The following CPAMD8 variants were observed in gnomAD, a reference collection of about 807,000 sequenced individuals.
The protein encoded by CPAMD8 is C3 and PZP-like alpha-2-macroglobulin domain-containing protein 8.
In CPAMD8, 146 loss-of-function variants were observed where a neutral mutation model predicts 224.7. That is an observed-to-expected ratio of 0.65 (90% CI 0.57 to 0.75). CPAMD8 has a LOEUF of 0.75. CPAMD8 is among the 30% of genes least tolerant of loss of function. The probability of loss-of-function intolerance (pLI) is 0.00; values close to 1 mark genes in which losing one functional copy is unlikely to be tolerated. For synonymous variants in CPAMD8, 966 were observed against 1,044.6 expected, an observed-to-expected ratio of 0.92 and a Z score of 1.45; for missense variants, 2,301 against 2,537.5, an observed-to-expected ratio of 0.91 and a Z score of 2.00.
rs150244551 is a variant in CPAMD8 at position 16,920,964 on chromosome 19, C to T, written c.3629+941G>A. On this transcript the variant is annotated intron_variant, in intron 27 of 41. Coordinates refer to ENST00000443236, the MANE Select transcript of CPAMD8 (RefSeq NM_015692.5). ...GGCTCAGCCAGCTTTTGGAGAGTGACTCAGTGGCTTTAGCTGTCCCTGGGG... is the reference window on the plus strand; with the variant it reads ...GGCTCAGCCAGCTTTTGGAGAGTGATTCAGTGGCTTTAGCTGTCCCTGGGG... Among the ~76,000 whole-genome samples, 566 of 151,520 alleles carry T rather than the reference C, an allele frequency of 3.7e-3. 19 individuals are homozygous for T. The highest frequency in any genetic ancestry group is 0.032 in the Admixed American group (490 of 15,234).
At chr19:16,998,414 C>T (rs1259629859) in intron 10 of CPAMD8, among the ~76,000 whole-genome samples, 1 of 151,924 alleles carries the variant, frequency 6.6e-6, no homozygotes, top group Non-Finnish European at 1.5e-5. Context: ...GATCCAAGAT[C>T]GTGCCACTGC....
intron 35 of CPAMD8, among the ~76,000 whole-genome samples, chr19:16,901,846 TGCGGGGAGTGC>T (rs2052269756): frequency 1.3e-5 from 2 of 152,110 alleles, no homozygotes; most frequent in Admixed American, 1.3e-4. Flanking sequence ...AGCTTGCAGC[TGCGGGGAGTGC>T]ACCAAGCTGG....
intron 18 of CPAMD8, among the ~76,000 whole-genome samples, chr19:16,959,305 C>A (rs892446839): frequency 6.6e-6 from 1 of 151,576 alleles, no homozygotes; most frequent in Non-Finnish European, 1.5e-5. Context: ...TCCTGAATTA[C>A]ACCTGGAATT....
At chr19:16,911,404 C>T (rs964507272) in intron 29 of CPAMD8, among the ~76,000 whole-genome samples, 4 of 151,746 alleles carry the variant, frequency 2.6e-5, no homozygotes, top group Admixed American at 2.6e-4. Flanking sequence ...CTTGGTTGCC[C>T]AGGCTGGAGT....
intron 12 of CPAMD8, among the ~76,000 whole-genome samples, 193 bp downstream of exon 12, chr19:16,993,223 C>G (rs905475756): frequency 7.9e-5 from 12 of 152,160 alleles, no homozygotes; most frequent in Non-Finnish European, 1.8e-4. Flanking sequence ...GTCCAGGCAC[C>G]CTTATCTCTC....
intron 26 of CPAMD8, 135 bp from the exon 27 acceptor site, chr19:16,922,121 C>T: frequency 1.6e-6 from 1 of 615,706 alleles, no homozygotes; most frequent in Non-Finnish European, 2.9e-6. Context: ...CTGGAATTGC[C>T]TCGAATCACA....
intron 29 of CPAMD8, among the ~76,000 whole-genome samples, chr19:16,909,311 G>A (rs1301407710): frequency 6.6e-6 from 1 of 152,100 alleles, no homozygotes; most frequent in Non-Finnish European, 1.5e-5. Flanking sequence ...TTGTGAGGCC[G>A]AGGCAGGTGG....
At chr19:16,954,351 A>G (rs2054395042) in intron 19 of CPAMD8, among the ~76,000 whole-genome samples, 1 of 151,888 alleles carries the variant, frequency 6.6e-6, no homozygotes, top group South Asian at 2.1e-4. Context: ...AAAAAAAGAA[A>G]AGAAAGAAAA....
At chr19:16,947,406 T>C (rs1278378572) in intron 20 of CPAMD8, among the ~76,000 whole-genome samples, 179 bp from the exon 21 acceptor site, 1 of 152,156 alleles carries the variant, frequency 6.6e-6, no homozygotes, top group Non-Finnish European at 1.5e-5. Flanking sequence ...TACCCTCTGC[T>C]GTCTGGTGCC....
At position 16,997,142 on chromosome 19, in the gene CPAMD8, T is replaced by C. The variant is rs764409192; in HGVS notation, c.1064A>G (p.Gln355Arg). 3 of 1,609,424 alleles carry C rather than the reference T, an allele frequency of 1.9e-6. No homozygotes were observed. The highest frequency in any genetic ancestry group is 2.6e-6 in the Non-Finnish European group (3 of 1,175,846). Residue 355 changes from glutamine to arginine, a missense_variant, in exon 11 of 42, where the codon CAG becomes CGG. Gln to Arg is a conservative substitution (Grantham distance 43, BLOSUM62 1). Coordinates refer to ENST00000443236, the MANE Select transcript of CPAMD8 (RefSeq NM_015692.5). Reference sequence around the variant, plus strand: ...CACGTAGGCCAGGCCCGGCTTGAACTGCTTCCTCGTGTCCTTGGAGTACCG... The same window carrying C: ...CACGTAGGCCAGGCCCGGCTTGAACCGCTTCCTCGTGTCCTTGGAGTACCG... ...DIRYSKDTRK[Q>R]FKPGLAYVGK...
intron 26 of CPAMD8, 128 bp downstream of exon 26, chr19:16,925,068 C>G (rs1407496570): frequency 1.0e-6 from 1 of 963,758 alleles, no homozygotes; most frequent in East Asian, 2.4e-5. Flanking sequence ...CCTGAATGGC[C>G]TCTTTTGCCC....
At chr19:16,988,542 G>A (rs1473066093) in intron 13 of CPAMD8, among the ~76,000 whole-genome samples, 3 of 152,026 alleles carry the variant, frequency 2.0e-5, no homozygotes, top group Admixed American at 6.6e-5. Context: ...CCCTGGAGAC[G>A]GAAGTTGCAG....
At chr19:16,997,837 A>G (rs1350564633) in intron 10 of CPAMD8, among the ~76,000 whole-genome samples, 16 of 150,936 alleles carry the variant, frequency 1.1e-4, no homozygotes, top group Admixed American at 9.9e-4. Flanking sequence ...GGGTTAAGAA[A>G]AAAAAAAAGA....
At chr19:16,924,161 C>G (rs1363303472) in intron 26 of CPAMD8, among the ~76,000 whole-genome samples, 1 of 151,836 alleles carries the variant, frequency 6.6e-6, no homozygotes, top group Non-Finnish European at 1.5e-5. Context: ...CTTTTGGCCT[C>G]CAGAACTATG....
At chr19:16,948,054 G>A (rs1050873418) in intron 20 of CPAMD8, among the ~76,000 whole-genome samples, 1 of 152,220 alleles carries the variant, frequency 6.6e-6, no homozygotes. Flanking sequence ...GTCTCTGTGT[G>A]CATGTGTGTG....
chr19:16,931,003 C>T (rs1697652285), intron 23 of CPAMD8, among the ~76,000 whole-genome samples: 1 of 152,180 alleles, frequency 6.6e-6, no homozygotes, highest in African/African-American at 2.4e-5. Flanking sequence ...TTTCACGTGC[C>T]CCGAGGGCTA....
intron 29 of CPAMD8, among the ~76,000 whole-genome samples, chr19:16,909,665 A>G (rs2052650017): frequency 6.6e-6 from 1 of 151,564 alleles, no homozygotes; most frequent in Non-Finnish European, 1.5e-5. Context: ...GAATCCTTGA[A>G]CCCGGGAGGC....
intron 7 of CPAMD8, 62 bp downstream of exon 7, chr19:17,008,443 T>G: frequency 6.3e-7 from 1 of 1,586,936 alleles, no homozygotes; most frequent in African/African-American, 1.3e-5. Flanking sequence ...ACAGAGCATA[T>G]TCTGTTTTCC....
At chr19:16,917,778 T>G (rs2053016745) in intron 27 of CPAMD8, among the ~76,000 whole-genome samples, 1 of 152,080 alleles carries the variant, frequency 6.6e-6, no homozygotes, top group Non-Finnish European at 1.5e-5. Context: ...AAAAGTAAAG[T>G]CTAATGACTA....
Sources: allele counts gnomAD v4.1 joint callset (sites outside exome capture counted in the v4.1 genomes callset), GRCh38; gene constraint gnomAD v4.1.1; transcripts MANE v1.5; gene names NCBI Gene and HGNC (gene_info 2026-07-23, HGNC 2026-07-21).